Variants in DMD observed in about 807,000 individuals in gnomAD.
DMD encodes mutant dystrophin.
In DMD, 63 loss-of-function variants were observed where a neutral mutation model predicts 330.1. The ratio of observed to expected loss-of-function variants is 0.19; its 90% CI spans 0.16 to 0.24. DMD has a LOEUF of 0.24. Among genes scored for constraint, DMD ranks in the 10% least tolerant of loss-of-function variants. The pLI, the probability that DMD is intolerant of heterozygous loss-of-function variation, is 1.00. For missense variants in DMD, 3,344 were observed against 2,684.1 expected (o/e 1.25, Z -5.43); for synonymous variants, 1,223 against 959.8 (o/e 1.27, Z -5.07).
At chrX:33,121,202 T>G (rs2095422378) in intron 1 of DMD, among the ~76,000 whole-genome samples, 2 of 110,233 alleles carry the variant, frequency 1.8e-5, no homozygotes, top group Admixed American at 2.0e-4. Flanking sequence ...GTCTGTTGAA[T>G]TTTTATAATT....
chrX:31,641,591 A>C (rs2079767060), intron 54 of DMD, among the ~76,000 whole-genome samples: 1 of 111,138 alleles, frequency 9.0e-6, no homozygotes, highest in Non-Finnish European at 1.9e-5. Flanking sequence ...AACTCAGAGA[A>C]AAGTGAGTAA....
In DMD at chrX:31,729,875, T is replaced by C. The variant is rs1293075255; in HGVS notation, c.7543-127A>G. 1.7e-5 allele frequency: 9 copies of C among 524,767 alleles called. No individual in the cohort carries two copies. In the Admixed American group the frequency reaches 2.4e-4, roughly 14 times the overall value. The allele number at this position is 524,767 out of a possible 1,213,427, so 43.2% of individuals were successfully genotyped here. On this transcript the variant is annotated intron_variant, in intron 51 of 78. Coordinates refer to ENST00000357033, the MANE Select transcript of DMD (RefSeq NM_004006.3). Reference sequence around the variant, plus strand: ...TTTAGAAATAAAAAAGATGTTACTGTATAAGGGTTTATAGAAAACAATTTA... The same window carrying C: ...TTTAGAAATAAAAAAGATGTTACTGCATAAGGGTTTATAGAAAACAATTTA...
At chrX:31,566,133 T>C (rs985486858) in intron 55 of DMD, among the ~76,000 whole-genome samples, 8 of 112,049 alleles carry the variant, frequency 7.1e-5, no homozygotes, top group African/African-American at 2.6e-4. Flanking sequence ...GTCCAACTGA[T>C]TTTTTTCTGT....
intron 4 of DMD, among the ~76,000 whole-genome samples, chrX:32,828,972 T>C (rs908627469): frequency 1.8e-5 from 2 of 110,925 alleles, no homozygotes; most frequent in African/African-American, 6.5e-5. Context: ...GGTAGTTTTC[T>C]TTTCCTTCTT....
chrX:32,106,106 A>G (rs943018787), intron 44 of DMD, among the ~76,000 whole-genome samples: 1 of 111,929 alleles, frequency 8.9e-6, no homozygotes, highest in East Asian at 2.8e-4. Context: ...ATGCTGTCTA[A>G]TAGATCTAAC....
intron 17 of DMD, among the ~76,000 whole-genome samples, chrX:32,537,337 T>A (rs2048084208): frequency 9.0e-6 from 1 of 111,380 alleles, no homozygotes; most frequent in African/African-American, 3.3e-5. Context: ...TGATAAAGAT[T>A]ATAAATGATA....
chrX:31,256,870 C>CT (rs1260441445), intron 63 of DMD, among the ~76,000 whole-genome samples: 2 of 109,666 alleles, frequency 1.8e-5, no homozygotes, highest in East Asian at 2.9e-4. Flanking sequence ...GACGAAGAAA[C>CT]TTTTTTACCA....
chrX:31,733,482 G>A (rs2086654649), intron 51 of DMD, among the ~76,000 whole-genome samples: 1 of 111,237 alleles, frequency 9.0e-6, no homozygotes, highest in South Asian at 3.7e-4. Context: ...TGCCCATGAT[G>A]ATTTTTCAAA....
chrX:31,746,827 G>A (rs1398588462), intron 51 of DMD, among the ~76,000 whole-genome samples: 1 of 110,659 alleles, frequency 9.0e-6, no homozygotes, highest in African/African-American at 3.3e-5. Flanking sequence ...GACAACATCC[G>A]AATGGAGAAG....
At chrX:33,267,348 T>C (rs1207932525) in intron 1 of DMD, among the ~76,000 whole-genome samples, 1 of 110,729 alleles carries the variant, frequency 9.0e-6, no homozygotes, top group East Asian at 2.8e-4. Flanking sequence ...AAAAACATTG[T>C]TGAAAGAAAC....
chrX:32,684,619 T>A (rs2062713419), intron 9 of DMD, among the ~76,000 whole-genome samples: 1 of 111,891 alleles, frequency 8.9e-6, no homozygotes, highest in Admixed American at 9.6e-5. Context: ...CTTTATGTTC[T>A]GCAAAATTAT....
chrX:33,124,215 C>T (rs1018337665), intron 1 of DMD, among the ~76,000 whole-genome samples: 1 of 108,274 alleles, frequency 9.2e-6, no homozygotes, highest in Admixed American at 9.9e-5. Flanking sequence ...CGGTGGCTCA[C>T]GCCTGTAACC....
intron 5 of DMD, among the ~76,000 whole-genome samples, chrX:32,817,072 T>C (rs1025798676): frequency 8.9e-6 from 1 of 111,951 alleles, no homozygotes; most frequent in East Asian, 2.8e-4. Context: ...AATTTTGCCT[T>C]TGCTATTAAT....
chrX:32,359,558 T>G (rs988525750), intron 37 of DMD, among the ~76,000 whole-genome samples: 1 of 111,629 alleles, frequency 9.0e-6, no homozygotes, highest in African/African-American at 3.3e-5. Flanking sequence ...TAAAGAAACC[T>G]GATTTTGAGA....
intron 4 of DMD, among the ~76,000 whole-genome samples, chrX:32,837,869 G>T (rs893482019): frequency 2.7e-5 from 3 of 111,864 alleles, no homozygotes; most frequent in Non-Finnish European, 3.8e-5. Context: ...ATGCCTTGTT[G>T]AGAGTTCAGA....
intron 42 of DMD, among the ~76,000 whole-genome samples, chrX:32,296,544 A>G (rs1289022199): frequency 9.0e-6 from 1 of 111,506 alleles, no homozygotes; most frequent in Admixed American, 9.5e-5. Flanking sequence ...CATACCTAGA[A>G]ATAAGCTCAC....
intron 43 of DMD, among the ~76,000 whole-genome samples, chrX:32,231,818 CT>C (rs2097170033): frequency 9.0e-6 from 1 of 111,219 alleles, no homozygotes; most frequent in Admixed American, 9.6e-5. Context: ...CTAAGTTTTA[CT>C]TTATTGAAAC....
intron 7 of DMD, among the ~76,000 whole-genome samples, chrX:32,777,750 CA>C (rs1240777488): frequency 8.9e-6 from 1 of 112,388 alleles, no homozygotes; most frequent in East Asian, 2.8e-4. Context: ...GCATTTGAAA[CA>C]GCCCAACTGT....
intron 44 of DMD, among the ~76,000 whole-genome samples, chrX:32,156,607 G>A (rs1346570667): frequency 4.0e-5 from 4 of 99,830 alleles, no homozygotes; most frequent in African/African-American, 1.1e-4. Flanking sequence ...GTGTGTATAC[G>A]TATACTTTTG....
Sources: gnomAD v4.1 joint callset for allele counts (sites outside exome capture counted in the v4.1 genomes callset) on GRCh38, gnomAD v4.1.1 for gene constraint, MANE v1.5 for transcripts, NCBI Gene and HGNC (gene_info 2026-07-23, HGNC 2026-07-21) for gene names.